The following DNAH8 variants were observed in gnomAD, a reference collection of about 807,000 sequenced individuals.
DNAH8 encodes the protein axonemal beta dynein heavy chain 8.
Under a neutral mutation model 562.1 loss-of-function variants are expected in DNAH8, and 382 were observed. The observed-to-expected ratio is 0.68, with a 90% confidence interval of 0.63 to 0.74. The LOEUF is 0.74. Ranked by LOEUF, DNAH8 falls within the 30% of genes least tolerant of loss-of-function variation. DNAH8 has a pLI of 0.00. For missense variants in DNAH8, 5,203 were observed against 5,620.4 expected (o/e 0.93, Z 2.37); for synonymous variants, 1,881 against 1,919.4 (o/e 0.98, Z 0.52).
intron 18 of DNAH8, among the ~76,000 whole-genome samples, chr6:38,788,703 C>A (rs1769421101): frequency 6.6e-6 from 1 of 152,076 alleles, no homozygotes; most frequent in African/African-American, 2.4e-5. Flanking sequence ...ATATGATTTG[C>A]AAATTTTTTC....
intron 53 of DNAH8, among the ~76,000 whole-genome samples, chr6:38,880,290 G>T (rs987425184): frequency 1.5e-4 from 23 of 151,706 alleles, no homozygotes; most frequent in African/African-American, 5.3e-4. Flanking sequence ...AGAATACTTA[G>T]GAATAAATTT....
At chr6:38,852,874 C>G in intron 40 of DNAH8, 76 bp downstream of exon 40, 6 of 1,105,962 alleles carry the variant, frequency 5.4e-6, no homozygotes, top group Non-Finnish European at 8.0e-6. Context: ...AGTTCTCTTA[C>G]AGAAAAAAAC....
At chr6:38,845,548 A>G in intron 35 of DNAH8, 26 bp from the exon 36 acceptor site, 1 of 1,585,486 alleles carries the variant, frequency 6.3e-7, no homozygotes, top group Non-Finnish European at 8.7e-7. Flanking sequence ...AAACATCATG[A>G]CATATACTTT....
intron 8 of DNAH8, among the ~76,000 whole-genome samples, chr6:38,745,471 AAG>A (rs771653735): frequency 5.9e-5 from 9 of 152,298 alleles, no homozygotes; most frequent in Non-Finnish European, 1.2e-4. Flanking sequence ...AGACTTATGG[AAG>A]AGTCAACCAG....
Position 38,741,903 on chromosome 6 carries a change from T to C in DNAH8, c.1293+16T>C. 3 of 1,601,340 alleles carry C rather than the reference T, an allele frequency of 1.9e-6. No individual in the cohort carries two copies. Among genetic ancestry groups the C allele is most frequent in the Non-Finnish European group, 2.6e-6 (3 of 1,174,910 alleles). ...ACTGCTAAAGGTAAAAGGCTTTTTA[T>C]TTAAAGTTTGGTATACTTCAGAACA... is the stretch of plus-strand genomic sequence containing the variant. On this transcript the variant is annotated intron_variant, in intron 8 of 92. Transcript: ENST00000327475.
At chr6:38,819,784 A>G (rs1772648508) in intron 26 of DNAH8, among the ~76,000 whole-genome samples, 1 of 152,188 alleles carries the variant, frequency 6.6e-6, no homozygotes, top group Non-Finnish European at 1.5e-5. Context: ...ATGTTTATGT[A>G]TAAAAGATCA....
intron 82 of DNAH8, among the ~76,000 whole-genome samples, chr6:38,970,663 A>T (rs115178735): frequency 0.032 from 4,894 of 152,230 alleles, 114 homozygotes; most frequent in Middle Eastern, 0.051. Context: ...CCACCCCATG[A>T]AGTCTCCAGC....
chr6:38,828,047 C>T, intron 29 of DNAH8, 137 bp from the exon 30 acceptor site: 2 of 625,996 alleles, frequency 3.2e-6, no homozygotes, highest in South Asian at 2.1e-5. Context: ...TTTTCATACA[C>T]TTTTAATTTT....
intron 53 of DNAH8, among the ~76,000 whole-genome samples, chr6:38,881,372 T>C (rs1778463955): frequency 6.6e-6 from 1 of 152,164 alleles, no homozygotes; most frequent in African/African-American, 2.4e-5. Flanking sequence ...CATTGTATAA[T>C]CTTTTTGAAG....
chr6:38,943,638 C>T (rs950498274), intron 79 of DNAH8, among the ~76,000 whole-genome samples: 3 of 152,168 alleles, frequency 2.0e-5, no homozygotes, highest in African/African-American at 7.2e-5. Context: ...TATCTTTCTT[C>T]CCTGTCTGGT....
intron 8 of DNAH8, among the ~76,000 whole-genome samples, chr6:38,745,851 C>T (rs1293729231): frequency 6.6e-6 from 1 of 152,172 alleles, no homozygotes; most frequent in African/African-American, 2.4e-5. Flanking sequence ...GGTTATGCAT[C>T]TTTGGTAAGA....
chr6:38,953,717 T>C (rs951383584), intron 82 of DNAH8, among the ~76,000 whole-genome samples: 3 of 152,240 alleles, frequency 2.0e-5, no homozygotes, highest in African/African-American at 2.4e-5. Flanking sequence ...AAAATGGAAC[T>C]ATTACACATA....
chr6:38,952,303 A>T (rs1404031229), intron 82 of DNAH8, among the ~76,000 whole-genome samples: 4 of 152,088 alleles, frequency 2.6e-5, no homozygotes, highest in African/African-American at 9.7e-5. Context: ...AAGGACAGGG[A>T]TGCAGAGCAC....
chr6:38,913,807 T>C, intron 66 of DNAH8, 42 bp from the exon 67 acceptor site: 1 of 1,382,712 alleles, frequency 7.2e-7, no homozygotes, highest in Non-Finnish European at 1.0e-6. Context: ...TGAAGGCATA[T>C]ACCTGTACTC....
chr6:39,023,417 C>T (rs1051268349), intron 91 of DNAH8, among the ~76,000 whole-genome samples: 5 of 152,062 alleles, frequency 3.3e-5, no homozygotes, highest in Non-Finnish European at 5.9e-5. Flanking sequence ...GGTGTGAACC[C>T]GGGAGGTGGA....
At chr6:38,718,354 T>A (rs1282831578) in intron 1 of DNAH8, among the ~76,000 whole-genome samples, 2 of 152,044 alleles carry the variant, frequency 1.3e-5, no homozygotes, top group East Asian at 3.9e-4. Context: ...GTTGCATACA[T>A]CTTCTAACCT....
chr6:38,828,619 G>C (rs1773571024), intron 30 of DNAH8, among the ~76,000 whole-genome samples: 1 of 152,118 alleles, frequency 6.6e-6, no homozygotes, highest in Non-Finnish European at 1.5e-5. Flanking sequence ...CTCTAGGTTT[G>C]TGTAAGTACA....
intron 22 of DNAH8, among the ~76,000 whole-genome samples, chr6:38,804,184 T>C (rs1419589467): frequency 1.3e-5 from 2 of 152,194 alleles, no homozygotes; most frequent in East Asian, 3.8e-4. Flanking sequence ...AGAGAAGCTG[T>C]TGAATTTGAA....
chr6:38,980,084 A>G (rs932511403), intron 85 of DNAH8, among the ~76,000 whole-genome samples: 3 of 152,108 alleles, frequency 2.0e-5, no homozygotes, highest in Admixed American at 6.5e-5. Context: ...GCTCACCTCA[A>G]TGTTTCTGAG....
Sources: allele counts gnomAD v4.1 joint callset (sites outside exome capture counted in the v4.1 genomes callset), GRCh38; gene constraint gnomAD v4.1.1; transcripts MANE v1.5; gene names NCBI Gene and HGNC (gene_info 2026-07-23, HGNC 2026-07-21).